RNF214: variants seen among roughly 807,000 people sequenced by gnomAD.
RNF214 encodes the protein ring finger protein 214.
Under a neutral mutation model 75.9 loss-of-function variants are expected in RNF214, and 25 were observed. The observed-to-expected ratio is 0.33, with a 90% CI of 0.24 to 0.46. The LOEUF (loss-of-function observed/expected upper bound fraction) is 0.46. RNF214 is among the 20% of genes least tolerant of loss of function. The pLI is 1.00. For synonymous variants in RNF214, 314 were observed against 308.8 expected, an observed-to-expected ratio of 1.02 and a Z score of -0.18; for missense variants, 725 against 857.5, an observed-to-expected ratio of 0.85 and a Z score of 1.93.
intron 6 of RNF214, among the ~76,000 whole-genome samples, chr11:117,259,246 C>T (rs867319435): frequency 6.6e-6 from 1 of 152,146 alleles, no homozygotes; most frequent in Non-Finnish European, 1.5e-5. Flanking sequence ...CGTGAGCTAC[C>T]GTGCCCGGCT....
intron 6 of RNF214, among the ~76,000 whole-genome samples, chr11:117,267,721 C>A (rs866048751): frequency 2.7e-5 from 4 of 149,424 alleles, no homozygotes; most frequent in Middle Eastern, 6.8e-3. Flanking sequence ...AGAGCAAGAT[C>A]ATGTCTGAAA....
intron 6 of RNF214, among the ~76,000 whole-genome samples, chr11:117,247,755 G>T (rs2033265543): frequency 6.6e-6 from 1 of 151,750 alleles, no homozygotes; most frequent in African/African-American, 2.4e-5. Context: ...GGAAGCTGAG[G>T]CAGGGGAATC....
intron 5 of RNF214, among the ~76,000 whole-genome samples, chr11:117,246,572 A>G (rs565661095): frequency 6.6e-6 from 1 of 152,336 alleles, no homozygotes; most frequent in East Asian, 1.9e-4. Context: ...TTTTTGAACA[A>G]TTGCGATTGC....
chr11:117,235,117 T>C (rs2032865539), intron 2 of RNF214, among the ~76,000 whole-genome samples: 1 of 152,232 alleles, frequency 6.6e-6, no homozygotes, highest in African/African-American at 2.4e-5. Context: ...TAATGACAGG[T>C]AAAAAAGTTT....
intron 6 of RNF214, among the ~76,000 whole-genome samples, chr11:117,255,053 A>G (rs117683585): frequency 0.015 from 2,212 of 152,236 alleles, 29 homozygotes; most frequent in Middle Eastern, 0.054. Context: ...TTTTTAGTAG[A>G]GACAAGGTTT....
chr11:117,274,331 C>G (rs1485757473), intron 6 of RNF214, among the ~76,000 whole-genome samples: 1 of 149,046 alleles, frequency 6.7e-6, no homozygotes, highest in Non-Finnish European at 1.5e-5. Context: ...GAGAAAGCCC[C>G]TAGTACTGGG....
At chr11:117,284,812 C>A (rs1463299363) in intron 14 of RNF214, among the ~76,000 whole-genome samples, 1 of 152,066 alleles carries the variant, frequency 6.6e-6, no homozygotes, top group Non-Finnish European at 1.5e-5. Context: ...CGCCTGTAAT[C>A]CCAGCTACTC....
chr11:117,233,282 G>A (rs986248980), intron 1 of RNF214, among the ~76,000 whole-genome samples: 2 of 152,338 alleles, frequency 1.3e-5, no homozygotes, highest in African/African-American at 4.8e-5. Context: ...ACCTGAGGGA[G>A]CAGCAATGGC....
intron 6 of RNF214, among the ~76,000 whole-genome samples, chr11:117,274,971 A>C (rs915568258): frequency 5.3e-5 from 8 of 152,158 alleles, no homozygotes; most frequent in Admixed American, 3.9e-4. Context: ...GAGCCACTGC[A>C]CCTGGCCTAG....
chr11:117,236,208 G>A (rs1382632487), intron 2 of RNF214, among the ~76,000 whole-genome samples: 4 of 151,772 alleles, frequency 2.6e-5, no homozygotes, highest in Non-Finnish European at 4.4e-5. Flanking sequence ...TGATCTGTCC[G>A]TCTTGGCCTC....
chr11:117,232,899 G>A (rs1398235834), intron 1 of RNF214, 173 bp downstream of exon 1: 10 of 149,086 alleles, frequency 6.7e-5, no homozygotes, highest in Non-Finnish European at 1.5e-4. Context: ...TGGGACGGGG[G>A]GGTGGCTGGC....
At chr11:117,235,844 A>C (rs1201010340) in intron 2 of RNF214, among the ~76,000 whole-genome samples, 2 of 152,174 alleles carry the variant, frequency 1.3e-5, no homozygotes, top group East Asian at 3.8e-4. Context: ...GATCAGGGTA[A>C]TTAGCATGTC....
At chr11:117,243,144 A>G (rs1442460750) in intron 4 of RNF214, among the ~76,000 whole-genome samples, 1 of 147,600 alleles carries the variant, frequency 6.8e-6, no homozygotes. Context: ...TAATTAATTA[A>G]TTAATTTATT....
chr11:117,257,828 TACTA>T (rs1193886871), intron 6 of RNF214, among the ~76,000 whole-genome samples: 1 of 152,234 alleles, frequency 6.6e-6, no homozygotes, highest in Non-Finnish European at 1.5e-5. Context: ...GTCTGAATAA[TACTA>T]ATTGGTAATT....
chr11:117,233,294 G>A (rs776120298), intron 1 of RNF214, among the ~76,000 whole-genome samples: 49 of 152,212 alleles, frequency 3.2e-4, no homozygotes, highest in Non-Finnish European at 5.6e-4. Context: ...AGCAATGGCG[G>A]TTTGGGCCCA....
intron 6 of RNF214, 92 bp from the exon 7 acceptor site, chr11:117,279,816 G>T: frequency 1.3e-6 from 1 of 799,678 alleles, no homozygotes. Context: ...AACATACTTG[G>T]CTGACCAATT....
At chr11:117,282,707 G>T in intron 12 of RNF214, 39 bp from the exon 13 acceptor site, 1 of 1,585,660 alleles carries the variant, frequency 6.3e-7, no homozygotes, top group South Asian at 1.1e-5. Flanking sequence ...CTGTTACTCA[G>T]ACTCTCTTCC....
Position 117,239,564 on chromosome 11 carries a change from G to A in RNF214, c.619-237G>A, listed in dbSNP as rs976889434. ...AGGGCAGACGTCTCATCTCAGACTT[G>A]AGGCTTTCTCTCAGTCAGTCATTGG... On this transcript the variant is annotated intron_variant, in intron 3 of 14. Transcript: ENST00000300650. 3 of 529,058 alleles carry A rather than the reference G, an allele frequency of 5.7e-6. No homozygotes were observed. The African/African-American group carries it at 5.7e-5, about 10-fold the overall frequency. The allele number at this position is 529,058 out of a possible 1,614,324, so 32.8% of individuals were successfully genotyped here.
At chr11:117,263,056 C>A (rs1271386682) in intron 6 of RNF214, among the ~76,000 whole-genome samples, 1 of 152,070 alleles carries the variant, frequency 6.6e-6, no homozygotes, top group East Asian at 1.9e-4. Flanking sequence ...CTCCACTTGC[C>A]TCAGCCTCCC....
Sources: gnomAD v4.1 joint callset for allele counts (sites outside exome capture counted in the v4.1 genomes callset) on GRCh38, gnomAD v4.1.1 for gene constraint, MANE v1.5 for transcripts, NCBI Gene and HGNC (gene_info 2026-07-23, HGNC 2026-07-21) for gene names.